The following DENND1B variants were observed in gnomAD, a reference collection of about 807,000 sequenced individuals.
DENND1B encodes the protein DENN domain containing 1B.
A neutral mutation model predicts 90.1 loss-of-function variants in DENND1B; 59 were observed. That is an observed-to-expected ratio of 0.65 (90% confidence interval 0.53 to 0.81). The LOEUF (loss-of-function observed/expected upper bound fraction) is 0.81. Ranked by LOEUF, DENND1B falls within the 40% of genes least tolerant of loss-of-function variation. DENND1B has a pLI of 0.00. For synonymous variants in DENND1B, 337 were observed against 324.6 expected, an observed-to-expected ratio of 1.04 and a Z score of -0.41; for missense variants, 862 against 912.6, an observed-to-expected ratio of 0.94 and a Z score of 0.71.
upstream of DENND1B, among the ~76,000 whole-genome samples, chr1:197,776,219 C>G (rs1414516656): frequency 6.6e-6 from 1 of 152,186 alleles, no homozygotes; most frequent in Non-Finnish European, 1.5e-5. Context: ...AGGTTATGTG[C>G]ACTCTCACCC....
chr1:197,693,545 C>A (rs1393929339), intron 3 of DENND1B, among the ~76,000 whole-genome samples: 3 of 151,552 alleles, frequency 2.0e-5, no homozygotes, highest in Admixed American at 1.3e-4. Flanking sequence ...TTAAAATGCA[C>A]ATAATTTATC....
At chr1:197,542,765 A>T (rs997442141) in intron 18 of DENND1B, among the ~76,000 whole-genome samples, 1 of 152,134 alleles carries the variant, frequency 6.6e-6, no homozygotes, top group Non-Finnish European at 1.5e-5. Flanking sequence ...AATTACAAAG[A>T]TCACAGAATG....
At chr1:197,545,805 T>A (rs1162478234) in intron 18 of DENND1B, 117 bp downstream of exon 18, 4 of 871,948 alleles carry the variant, frequency 4.6e-6, no homozygotes, top group Middle Eastern at 3.5e-4. Flanking sequence ...TAATCCTAAT[T>A]TTTTTTTAGG....
intron 2 of DENND1B, among the ~76,000 whole-genome samples, chr1:197,721,849 T>A (rs1265099225): frequency 6.6e-6 from 1 of 152,080 alleles, no homozygotes; most frequent in Non-Finnish European, 1.5e-5. Flanking sequence ...TAGTTCCATA[T>A]CCCAATGAAA....
At chr1:197,705,533 A>T (rs1193709553) in intron 3 of DENND1B, among the ~76,000 whole-genome samples, 3 of 152,164 alleles carry the variant, frequency 2.0e-5, no homozygotes, top group East Asian at 3.9e-4. Flanking sequence ...CAAATGAAAA[A>T]AATCCAAGCT....
intron 3 of DENND1B, among the ~76,000 whole-genome samples, chr1:197,692,595 C>G (rs1317878232): frequency 6.6e-6 from 1 of 151,816 alleles, no homozygotes. Context: ...GCCCCATATC[C>G]TATAAATAAT....
chr1:197,758,812 A>T (rs1324084655), intron 2 of DENND1B, among the ~76,000 whole-genome samples: 2 of 152,170 alleles, frequency 1.3e-5, no homozygotes, highest in African/African-American at 2.4e-5. Context: ...CCATTAAAGC[A>T]TAAGTATTAG....
intron 15 of DENND1B, 118 bp from the exon 16 acceptor site, chr1:197,553,230 CTT>C (rs1446635129): frequency 1.0e-5 from 8 of 779,814 alleles, no homozygotes; most frequent in Non-Finnish European, 1.5e-5. Context: ...ATAACAGACT[CTT>C]GTATAAATTA....
chr1:197,600,108 A>G lies in DENND1B; in HGVS notation c.922-4775T>C, dbSNP rs76797866. On this transcript the variant is annotated intron_variant, in intron 13 of 22. Coordinates refer to ENST00000620048, the MANE Select transcript of DENND1B (RefSeq NM_001195215.2). The stretch of plus-strand genomic sequence containing the variant: ...CTCATACTCATCATCATTGAGGCCA[A>G]TTCTGCAGAAAGATGTTCCTGATAC... Among the ~76,000 whole-genome samples, 898 of 151,864 alleles carry G rather than the reference A, an allele frequency of 5.9e-3. 13 individuals carry two copies. The highest frequency in any genetic ancestry group is 0.02 in the African/African-American group (840 of 41,490).
rs371100267 is a variant in DENND1B at position 197,510,619 on chromosome 1, T to C, written c.2169A>G (p.Ser723=). 2.5e-6 allele frequency: 4 copies of C among 1,612,858 alleles called. No individual in the cohort carries two copies. Among genetic ancestry groups the C allele is most frequent in the South Asian group, 1.1e-5 (1 of 91,060 alleles). ...DLLIPGLGRH[S]STFVPWEKEG... is the part of the protein sequence containing the mutation. ...CTTTCTCCCAAGGAACAAAAGTCGA[T>C]GAATGCCGCCCAAGACCGGGTATAA... is the stretch of plus-strand genomic sequence containing the variant. The change falls in exon 23 of 23, where the codon TCA becomes TCG. Residue 723 remains serine (S), a synonymous_variant. Transcript: ENST00000620048.
intron 3 of DENND1B, among the ~76,000 whole-genome samples, chr1:197,707,260 C>A (rs1659637039): frequency 6.6e-6 from 1 of 152,014 alleles, no homozygotes; most frequent in African/African-American, 2.4e-5. Context: ...CTGAGAAGGG[C>A]AGGCAGGGGC....
intron 3 of DENND1B, among the ~76,000 whole-genome samples, chr1:197,687,183 T>C (rs1657335291): frequency 6.6e-6 from 1 of 152,180 alleles, no homozygotes; most frequent in Admixed American, 6.6e-5. Flanking sequence ...TTAAAAGCCG[T>C]GGAACCTCAG....
At chr1:197,542,237 T>C (rs1429380188) in intron 18 of DENND1B, among the ~76,000 whole-genome samples, 2 of 152,204 alleles carry the variant, frequency 1.3e-5, no homozygotes, top group African/African-American at 4.8e-5. Context: ...TATTCTTAAA[T>C]TTATACAAGT....
intron 3 of DENND1B, among the ~76,000 whole-genome samples, chr1:197,698,481 C>T (rs1658679062): frequency 6.6e-6 from 1 of 151,838 alleles, no homozygotes; most frequent in African/African-American, 2.4e-5. Flanking sequence ...CAAATTGATG[C>T]CCTAACATCA....
At chr1:197,667,978 G>C (rs946121627) in intron 5 of DENND1B, among the ~76,000 whole-genome samples, 2 of 151,892 alleles carry the variant, frequency 1.3e-5, no homozygotes, top group Non-Finnish European at 2.9e-5. Context: ...AGTGAATAAA[G>C]TAAAAAAAAT....
At chr1:197,574,556 A>G (rs1158896463) in intron 15 of DENND1B, among the ~76,000 whole-genome samples, 2 of 152,186 alleles carry the variant, frequency 1.3e-5, no homozygotes, top group Admixed American at 6.5e-5. Context: ...CCATGAAGCT[A>G]CCAATGACTT....
intron 4 of DENND1B, among the ~76,000 whole-genome samples, chr1:197,673,346 A>G (rs1016129338): frequency 2.2e-4 from 33 of 152,066 alleles, no homozygotes; most frequent in African/African-American, 6.8e-4. Flanking sequence ...AATGCTTATT[A>G]GTACTGATTA....
Position 197,511,925 on chromosome 1 carries a change from C to T in DENND1B, c.1618G>A (p.Glu540Lys), listed in dbSNP as rs1398442494. The T allele has an allele frequency of 1.2e-6, 2 of 1,605,336 alleles. No homozygotes were observed. The highest frequency in any genetic ancestry group is 1.7e-6 in the Non-Finnish European group (2 of 1,175,398). ...RASKLSSEDG[E>K]EASAYLYESD... is the part of the protein sequence containing the mutation. Reference sequence around the variant, plus strand: ...TCATAGAGATAAGCAGAAGCTTCTTCACCATCTTCAGAAGATAACCTGAAG... The same window carrying T: ...TCATAGAGATAAGCAGAAGCTTCTTTACCATCTTCAGAAGATAACCTGAAG... The change falls in exon 22 of 23, where the codon GAA (glutamate) becomes AAA (lysine). Residue 540 changes from glutamate (E) to lysine (K), a missense_variant. Physicochemically the swap from Glu to Lys is moderately conservative, Grantham distance 56 (BLOSUM62 1). Transcript: ENST00000620048.
At chr1:197,621,109 G>A (rs1678116424) in intron 10 of DENND1B, among the ~76,000 whole-genome samples, 1 of 151,284 alleles carries the variant, frequency 6.6e-6, no homozygotes, top group East Asian at 1.9e-4. Context: ...GATCAGACTG[G>A]AGGAAGTGGG....
Sources: gnomAD v4.1 joint callset for allele counts (sites outside exome capture counted in the v4.1 genomes callset) on GRCh38, gnomAD v4.1.1 for gene constraint, MANE v1.5 for transcripts, NCBI Gene and HGNC (gene_info 2026-07-23, HGNC 2026-07-21) for gene names.